The following PCDH9 variants were observed in gnomAD, a reference collection of about 807,000 sequenced individuals.
PCDH9 encodes protocadherin-9.
PCDH9 carries 24 observed loss-of-function variants against 70.6 expected under a neutral mutation model. That is an observed-to-expected ratio of 0.34 (90% CI 0.25 to 0.48). The LOEUF (loss-of-function observed/expected upper bound fraction) is 0.48, where lower values mean the gene tolerates loss of function less well. Among genes scored for constraint, PCDH9 ranks in the 20% least tolerant of loss-of-function variants. The probability of loss-of-function intolerance (pLI) is 0.99; values close to 1 mark genes in which losing one functional copy is unlikely to be tolerated. For missense variants in PCDH9, 1,281 were observed against 1,503.6 expected (o/e 0.85, Z 2.45); for synonymous variants, 562 against 558.5 (o/e 1.01, Z -0.09).
chr13:66,646,245 A>C (rs955726432), intron 3 of PCDH9, among the ~76,000 whole-genome samples: 1 of 152,192 alleles, frequency 6.6e-6, no homozygotes, highest in Non-Finnish European at 1.5e-5. Flanking sequence ...TGAATTATTA[A>C]GTTGCAATAA....
intron 3 of PCDH9, among the ~76,000 whole-genome samples, chr13:66,868,777 C>T (rs547902144): frequency 6.6e-6 from 1 of 151,874 alleles, no homozygotes; most frequent in East Asian, 1.9e-4. Flanking sequence ...CACTTCAAGG[C>T]GAAGTTGGGA....
intron 4 of PCDH9, among the ~76,000 whole-genome samples, chr13:66,506,506 G>A (rs1959216874): frequency 6.6e-6 from 1 of 152,142 alleles, no homozygotes; most frequent in African/African-American, 2.4e-5. Context: ...CTATTTATAA[G>A]CATCATTAAT....
chr13:66,870,183 C>T (rs1466142979), intron 3 of PCDH9, among the ~76,000 whole-genome samples: 3 of 152,088 alleles, frequency 2.0e-5, no homozygotes, highest in Non-Finnish European at 4.4e-5. Flanking sequence ...ATGGGGAATC[C>T]TTTCCCCATT....
intron 3 of PCDH9, among the ~76,000 whole-genome samples, chr13:66,789,050 T>A (rs2080123803): frequency 6.6e-6 from 1 of 152,112 alleles, no homozygotes; most frequent in African/African-American, 2.4e-5. Flanking sequence ...ATCTCAGCAA[T>A]CCTAAACCCT....
chr13:66,820,460 G>T lies in PCDH9; in HGVS notation c.3138+83044C>A, dbSNP rs144675123. On this transcript the variant is annotated intron_variant, in intron 3 of 4. Coordinates refer to ENST00000377865, the MANE Select transcript of PCDH9 (RefSeq NM_203487.3). ...TGTGGTAATTGCTCAGAGTCCTAAAGACAGAAATGCCATTCGACCCAGCAA... is the reference window on the plus strand; with the variant it reads ...TGTGGTAATTGCTCAGAGTCCTAAATACAGAAATGCCATTCGACCCAGCAA... 3.4e-3 allele frequency among the ~76,000 whole-genome samples: 525 copies of T among 152,202 alleles called. 3 individuals carry two copies. The highest frequency in any genetic ancestry group is 0.011 in the African/African-American group (458 of 41,538).
intron 2 of PCDH9, among the ~76,000 whole-genome samples, chr13:67,012,515 A>G (rs2084471050): frequency 6.6e-6 from 1 of 151,944 alleles, no homozygotes; most frequent in South Asian, 2.1e-4. Context: ...GGACCTCAAG[A>G]TTTTTCCTGA....
chr13:66,966,638 T>C (rs2083438655), intron 2 of PCDH9, among the ~76,000 whole-genome samples: 1 of 152,180 alleles, frequency 6.6e-6, no homozygotes, highest in Admixed American at 6.6e-5. Context: ...TACAAATTTC[T>C]ATAATTCTAT....
intron 3 of PCDH9, among the ~76,000 whole-genome samples, chr13:66,828,382 A>G (rs983654593): frequency 6.6e-6 from 1 of 152,202 alleles, no homozygotes; most frequent in Non-Finnish European, 1.5e-5. Flanking sequence ...TCTAAAAAAT[A>G]CTAATGACAA....
chr13:67,179,969 G>A (rs564567350), intron 2 of PCDH9, among the ~76,000 whole-genome samples: 2 of 151,996 alleles, frequency 1.3e-5, no homozygotes, highest in South Asian at 2.1e-4. Context: ...AGGTACCCAA[G>A]GTAACTCCAA....
intron 2 of PCDH9, among the ~76,000 whole-genome samples, chr13:67,063,717 G>A (rs955597715): frequency 6.6e-6 from 1 of 152,082 alleles, no homozygotes; most frequent in Admixed American, 6.6e-5. Context: ...ATAACAAAAC[G>A]TCTGTGAGCA....
chr13:66,465,073 T>G (rs1253364225), intron 4 of PCDH9, among the ~76,000 whole-genome samples: 1 of 151,876 alleles, frequency 6.6e-6, no homozygotes, highest in African/African-American at 2.4e-5. Flanking sequence ...AAGTGAAGTT[T>G]CAGCAGTAGC....
At chr13:66,513,922 A>C (rs1466663561) in intron 4 of PCDH9, among the ~76,000 whole-genome samples, 1 of 152,094 alleles carries the variant, frequency 6.6e-6, no homozygotes, top group Non-Finnish European at 1.5e-5. Context: ...AGTTTCAGAA[A>C]GCTATTTCCT....
chr13:67,041,786 G>A (rs867392990), intron 2 of PCDH9, among the ~76,000 whole-genome samples: 9 of 149,590 alleles, frequency 6.0e-5, no homozygotes, highest in South Asian at 2.1e-4. Context: ...AGCCGAGATC[G>A]GGCCACTGCA....
At chr13:66,870,742 G>T (rs1466258498) in intron 3 of PCDH9, among the ~76,000 whole-genome samples, 5 of 152,106 alleles carry the variant, frequency 3.3e-5, no homozygotes, top group Non-Finnish European at 2.9e-5. Context: ...GAAACAACAG[G>T]TGCTGGAGAG....
At chr13:66,562,180 G>A (rs1196423376) in intron 4 of PCDH9, among the ~76,000 whole-genome samples, 1 of 151,820 alleles carries the variant, frequency 6.6e-6, no homozygotes, top group Non-Finnish European at 1.5e-5. Flanking sequence ...TACTAGTTAA[G>A]CATAAAATAT....
At chr13:66,320,553 G>C (rs1046063797) in intron 4 of PCDH9, among the ~76,000 whole-genome samples, 5 of 151,892 alleles carry the variant, frequency 3.3e-5, no homozygotes, top group African/African-American at 1.2e-4. Context: ...CAATCACTAA[G>C]AGTATTTTTT....
chr13:66,667,108 A>G (rs905586547), intron 3 of PCDH9, among the ~76,000 whole-genome samples: 2 of 152,180 alleles, frequency 1.3e-5, no homozygotes, highest in Non-Finnish European at 2.9e-5. Flanking sequence ...GAGTATGTTG[A>G]GAAAAGAAAG....
intron 4 of PCDH9, among the ~76,000 whole-genome samples, chr13:66,592,775 G>A (rs1247790281): frequency 1.3e-5 from 2 of 151,702 alleles, no homozygotes; most frequent in Non-Finnish European, 3.0e-5. Context: ...ACAGAACAAG[G>A]AGAAAATGAC....
chr13:67,157,967 A>C (rs1281736033), intron 2 of PCDH9, among the ~76,000 whole-genome samples: 3 of 152,184 alleles, frequency 2.0e-5, no homozygotes, highest in African/African-American at 7.2e-5. Flanking sequence ...AAAAATCATA[A>C]AGCATCTGTG....
Sources: gnomAD v4.1 joint callset for allele counts (sites outside exome capture counted in the v4.1 genomes callset) on GRCh38, gnomAD v4.1.1 for gene constraint, MANE v1.5 for transcripts, NCBI Gene and HGNC (gene_info 2026-07-23, HGNC 2026-07-21) for gene names.